The following RCOR1 variants were observed in gnomAD, a reference collection of about 807,000 sequenced individuals.
RCOR1 encodes the protein REST corepressor 1.
In RCOR1, 12 loss-of-function variants were observed where a neutral mutation model predicts 64.0. That is an observed-to-expected ratio of 0.19 (90% confidence interval 0.12 to 0.30). The LOEUF is 0.30. Ranked by LOEUF, RCOR1 falls within the 10% of genes least tolerant of loss-of-function variation. RCOR1 has a pLI of 1.00. For synonymous variants in RCOR1, 279 were observed against 227.2 expected (o/e 1.23, Z -2.05); for missense variants, 502 against 621.2 (o/e 0.81, Z 2.04).
intron 5 of RCOR1, 32 bp from the exon 6 acceptor site, chr14:102,708,433 T>C (rs1895898356): frequency 1.6e-6 from 2 of 1,222,278 alleles, no homozygotes; most frequent in Non-Finnish European, 1.2e-6. Flanking sequence ...TACTTTTTTA[T>C]TTAAATAAAC....
intron 3 of RCOR1, among the ~76,000 whole-genome samples, chr14:102,694,468 G>A (rs1310111328): frequency 6.6e-6 from 1 of 152,068 alleles, no homozygotes; most frequent in African/African-American, 2.4e-5. Flanking sequence ...GTAGAGATGG[G>A]GTTTCACCGT....
rs542012534 is a variant in RCOR1, at chr14:102,637,138, T to A, written c.361+43813T>A. Among the ~76,000 whole-genome samples, 123 of 151,036 alleles carry A rather than the reference T, an allele frequency of 8.1e-4. 1 individual carries two copies. Among genetic ancestry groups the A allele is most frequent in the Middle Eastern group, 3.4e-3 (1 of 294 alleles). On this transcript the variant is annotated intron_variant, in intron 2 of 11. Coordinates refer to ENST00000262241, the MANE Select transcript of RCOR1 (RefSeq NM_015156.4). ...TTGTTTGTTTGTTTTTTTATTTTTTTTTTTTTGAGACGGAGTCTTACTCTG... is the reference window on the plus strand; with the variant it reads ...TTGTTTGTTTGTTTTTTTATTTTTTATTTTTTGAGACGGAGTCTTACTCTG...
rs775054455 is a variant in RCOR1 at position 102,593,261 on chromosome 14, C to T, written c.302-5C>T. On this transcript the variant is annotated splice_region_variant and splice_polypyrimidine_tract_variant and intron_variant, in intron 1 of 11. Coordinates refer to ENST00000262241, the MANE Select transcript of RCOR1 (RefSeq NM_015156.4). ...GCTGACCGCCGTATTCTGCTTCCCC[C>T]GCAGGTGGCGGTGGCATGAGGGTCG... 3.1e-5 allele frequency: 47 copies of T among 1,525,610 alleles called. No individual in the cohort carries two copies. Among genetic ancestry groups the T allele is most frequent in the South Asian group, 9.8e-5 (8 of 81,280 alleles). 94.5% of individuals were successfully genotyped at this position (1,525,610 alleles called of 1,614,324 possible).
At chr14:102,706,867 T>C (rs1364255863) in intron 4 of RCOR1, among the ~76,000 whole-genome samples, 1 of 151,674 alleles carries the variant, frequency 6.6e-6, no homozygotes, top group Admixed American at 6.6e-5. Context: ...AAATTTATTT[T>C]AGAAGAATTA....
At chr14:102,639,487 AT>A (rs201431589) in intron 2 of RCOR1, among the ~76,000 whole-genome samples, 1,475 of 146,106 alleles carry the variant, frequency 0.01, 18 homozygotes, top group Admixed American at 0.016. Context: ...TAATTAATTT[AT>A]TTTTTAATTT....
At chr14:102,691,371 T>A (rs151110006) in intron 3 of RCOR1, among the ~76,000 whole-genome samples, 1 of 152,082 alleles carries the variant, frequency 6.6e-6, no homozygotes, top group South Asian at 2.1e-4. Flanking sequence ...GAGTCATGGG[T>A]TCATTTGTAC....
intron 2 of RCOR1, chr14:102,655,557 C>T: frequency 2.2e-6 from 2 of 912,378 alleles, no homozygotes; most frequent in Non-Finnish European, 2.6e-6. Context: ...ATTACAAGCT[C>T]ATATTTGTGA....
At position 102,719,412 on chromosome 14, in the gene RCOR1, C is replaced by T. The variant is rs188176005; in HGVS notation, c.1054-1595C>T. 3.2e-4 allele frequency among the ~76,000 whole-genome samples: 48 copies of T among 152,236 alleles called. 1 individual carries two copies. The East Asian group carries it at 7.3e-3, about 23-fold the overall frequency. ...ATCCCTCCCCACTCCCCCAACCCCACGACAGGCCCCGGTGTGTGATGTTTC... is the reference window on the plus strand; with the variant it reads ...ATCCCTCCCCACTCCCCCAACCCCATGACAGGCCCCGGTGTGTGATGTTTC... On this transcript the variant is annotated intron_variant, in intron 8 of 11. Transcript: ENST00000262241.
At chr14:102,699,429 T>G (rs535407450) in intron 3 of RCOR1, among the ~76,000 whole-genome samples, 1 of 152,338 alleles carries the variant, frequency 6.6e-6, no homozygotes, top group South Asian at 2.1e-4. Context: ...AATGGAATAT[T>G]TTTCCCCAAT....
chr14:102,670,325 G>A (rs1185896595), intron 2 of RCOR1, among the ~76,000 whole-genome samples: 1 of 152,082 alleles, frequency 6.6e-6, no homozygotes, highest in Non-Finnish European at 1.5e-5. Context: ...GGAGTTTCAT[G>A]TGTCCTTTTT....
At chr14:102,635,791 A>G (rs1894222802) in intron 2 of RCOR1, among the ~76,000 whole-genome samples, 1 of 152,054 alleles carries the variant, frequency 6.6e-6, no homozygotes, top group Non-Finnish European at 1.5e-5. Flanking sequence ...ATTTAGATAT[A>G]AACTCCCAAA....
At chr14:102,613,461 C>G (rs1486595157) in intron 2 of RCOR1, among the ~76,000 whole-genome samples, 1 of 143,300 alleles carries the variant, frequency 7.0e-6, no homozygotes, top group Non-Finnish European at 1.5e-5. Flanking sequence ...GAGACGGAGT[C>G]TCGTTCTGTC....
At chr14:102,599,625 T>A (rs1893343242) in intron 2 of RCOR1, among the ~76,000 whole-genome samples, 1 of 152,204 alleles carries the variant, frequency 6.6e-6, no homozygotes, top group African/African-American at 2.4e-5. Context: ...AACTGTCACT[T>A]CAGAGTTGAC....
chr14:102,648,108 C>A (rs757984962), intron 2 of RCOR1, among the ~76,000 whole-genome samples: 1 of 151,846 alleles, frequency 6.6e-6, no homozygotes, highest in East Asian at 1.9e-4. Context: ...AGACAGAGTC[C>A]TGTTCTGTCA....
At chr14:102,660,984 G>A (rs1894814640) in intron 2 of RCOR1, among the ~76,000 whole-genome samples, 1 of 152,176 alleles carries the variant, frequency 6.6e-6, no homozygotes, top group South Asian at 2.1e-4. Context: ...AAGGGATAAA[G>A]CACTGTAAAG....
intron 2 of RCOR1, chr14:102,658,584 AC>A (rs1403834728): frequency 4.1e-6 from 4 of 985,036 alleles, no homozygotes; most frequent in African/African-American, 1.8e-5. Flanking sequence ...CTACCTACCT[AC>A]CCCCCATCCT....
chr14:102,664,105 T>A (rs1296169754), intron 2 of RCOR1, among the ~76,000 whole-genome samples: 2 of 152,104 alleles, frequency 1.3e-5, no homozygotes, highest in Non-Finnish European at 2.9e-5. Context: ...TTGAGTCAGT[T>A]CTATTTTTTA....
intron 2 of RCOR1, among the ~76,000 whole-genome samples, chr14:102,640,026 G>T (rs542321332): frequency 4.6e-5 from 7 of 152,152 alleles, no homozygotes; most frequent in Non-Finnish European, 1.0e-4. Context: ...TGTGTTTTTA[G>T]TAGAGATGGC....
At chr14:102,714,733 C>A in intron 8 of RCOR1, 116 bp downstream of exon 8, 2 of 800,080 alleles carry the variant, frequency 2.5e-6, no homozygotes, top group South Asian at 4.5e-5. Flanking sequence ...CATTTTGTTT[C>A]GAAGGAATTG....
Sources: allele counts gnomAD v4.1 joint callset (sites outside exome capture counted in the v4.1 genomes callset), GRCh38; gene constraint gnomAD v4.1.1; transcripts MANE v1.5; gene names NCBI Gene and HGNC (gene_info 2026-07-23, HGNC 2026-07-21).